NUP54: variants seen among roughly 807,000 people sequenced by gnomAD.
NUP54 encodes nucleoporin 54.
In NUP54, 27 loss-of-function variants were observed where a neutral mutation model predicts 66.4. That is an observed-to-expected ratio of 0.41 (90% CI 0.30 to 0.56). The LOEUF is 0.56. Among genes scored for constraint, NUP54 ranks in the 20% least tolerant of loss-of-function variants. The probability of loss-of-function intolerance (pLI) is 0.34; values close to 1 mark genes in which losing one functional copy is unlikely to be tolerated. For missense variants in NUP54, 486 were observed against 596.3 expected (o/e 0.82, Z 1.93); for synonymous variants, 206 against 210.7 (o/e 0.98, Z 0.19).
rs1305479005 is a variant in NUP54, at chr4:76,124,738, T to C, written c.1075A>G (p.Ser359Gly). The C allele has an allele frequency of 4.5e-6, 6 of 1,341,752 alleles. No individual in the cohort carries two copies. The highest frequency in any genetic ancestry group is 6.0e-6 in the Non-Finnish European group (6 of 994,096). 83.1% of individuals were successfully genotyped at this position (1,341,752 alleles called of 1,614,324 possible). A position where few individuals can be genotyped will look rare whatever the true frequency, so the allele number is the denominator to read the frequency against. Residue 359 changes from serine to glycine, a missense_variant, in exon 9 of 12, where the codon AGT (serine) becomes GGT (glycine). By Grantham distance (56) the Ser-to-Gly change is moderately conservative. This residue lies in a region of NUP54 where 217 missense variants were observed against 247.9 expected (regional missense o/e 0.88). Coordinates refer to ENST00000264883, the MANE Select transcript of NUP54 (RefSeq NM_017426.4). The part of the protein sequence containing the change: ...TRLDIISEDI[S>G]ELQKNQTTSV... ...GTAGTTTGATTCTTTTGTAGCTCAC[T>C]AATATCTTCAGATATGATCTGTTTA...
intron 3 of NUP54, 124 bp downstream of exon 3, chr4:76,144,025 C>A: frequency 1.0e-6 from 1 of 998,986 alleles, no homozygotes; most frequent in Non-Finnish European, 1.5e-6. Flanking sequence ...AAGTAACATT[C>A]CTAATCCTTT....
intron 8 of NUP54, among the ~76,000 whole-genome samples, chr4:76,127,295 G>T (rs916252416): frequency 6.6e-6 from 1 of 151,980 alleles, no homozygotes; most frequent in African/African-American, 2.4e-5. Flanking sequence ...AGCCAGGCGT[G>T]GTGGTGGGCG....
chr4:76,120,637 C>T (rs908445603), intron 9 of NUP54, among the ~76,000 whole-genome samples: 1 of 152,070 alleles, frequency 6.6e-6, no homozygotes, highest in African/African-American at 2.4e-5. Context: ...CCATCTTCGC[C>T]AGGCTGGTCT....
chr4:76,117,636 A>T, intron 11 of NUP54, 28 bp downstream of exon 11: 1 of 1,410,568 alleles, frequency 7.1e-7, no homozygotes, highest in Non-Finnish European at 1.0e-6. Flanking sequence ...CTCACACTTT[A>T]AATAATGCAG....
intron 3 of NUP54, 147 bp from the exon 4 acceptor site, chr4:76,136,559 A>C: frequency 1.6e-6 from 1 of 613,752 alleles, no homozygotes; most frequent in Non-Finnish European, 2.8e-6. Flanking sequence ...CTTACATAGC[A>C]AAAGGGCCTT....
rs759710910 is a variant in NUP54, at chr4:76,130,687, T to C, written c.1025A>G (p.Gln342Arg). The C allele has an allele frequency of 1.9e-6, 3 of 1,613,732 alleles. No homozygotes were observed. The South Asian group carries it at 3.3e-5, about 18-fold the overall frequency. The change falls in exon 8 of 12, where the codon CAG (glutamine) becomes CGG (arginine). Residue 342 changes from glutamine (Q) to arginine (R), a missense_variant. By Grantham distance (43) the Gln-to-Arg change is conservative. Around this residue, in one of 4 missense-constraint regions of NUP54, gnomAD observed 217 missense variants for 247.9 expected, o/e 0.88. Coordinates refer to ENST00000264883, the MANE Select transcript of NUP54 (RefSeq NM_017426.4). ...TCTGGTTTGATGCTGCTTAGTCATCTGATCTTGAACCTTCAGTCTTCGGAG... is the reference window on the plus strand; with the variant it reads ...TCTGGTTTGATGCTGCTTAGTCATCCGATCTTGAACCTTCAGTCTTCGGAG... ...ELLRRLKVQDQMTKQHQTRLD... is the reference protein window; with the variant it reads ...ELLRRLKVQDRMTKQHQTRLD...
intron 3 of NUP54, among the ~76,000 whole-genome samples, chr4:76,138,268 C>A (rs4597859): frequency 0.13 from 20,006 of 152,182 alleles, 1,539 homozygotes; most frequent in East Asian, 0.35. Flanking sequence ...TCAACTTTTA[C>A]ATGAGATGAA....
At chr4:76,130,537 TG>T in intron 8 of NUP54, 118 bp downstream of exon 8, 1 of 650,004 alleles carries the variant, frequency 1.5e-6, no homozygotes, top group Non-Finnish European at 2.7e-6. Context: ...TAAATTGCAG[TG>T]TATGCTACAT....
intron 8 of NUP54, among the ~76,000 whole-genome samples, chr4:76,129,603 G>A (rs1022819588): frequency 1.3e-5 from 2 of 152,138 alleles, no homozygotes; most frequent in African/African-American, 4.8e-5. Flanking sequence ...AGTGGCTCAC[G>A]CCTGTAACCC....
intron 9 of NUP54, 93 bp downstream of exon 9, chr4:76,124,556 G>C: frequency 4.3e-6 from 2 of 467,052 alleles, no homozygotes; most frequent in South Asian, 4.9e-5. Context: ...TTTCATTTTA[G>C]TATTTTTTTT....
intron 8 of NUP54, among the ~76,000 whole-genome samples, chr4:76,128,111 C>G (rs1277496290): frequency 6.6e-6 from 1 of 152,144 alleles, no homozygotes; most frequent in Non-Finnish European, 1.5e-5. Flanking sequence ...GGGAAGTCTG[C>G]TAGTTATAGT....
At chr4:76,118,394 TG>T in intron 9 of NUP54, 200 bp from the exon 10 acceptor site, 1 of 539,644 alleles carries the variant, frequency 1.9e-6, no homozygotes, top group South Asian at 2.1e-5. Context: ...TAGACTTAAT[TG>T]TTTTTTTTGA....
chr4:76,126,899 A>G (rs1003251587), intron 8 of NUP54, among the ~76,000 whole-genome samples: 5 of 152,290 alleles, frequency 3.3e-5, no homozygotes, highest in Admixed American at 3.3e-4. Context: ...ATAAAGACCC[A>G]TAAAGACCCA....
At chr4:76,142,468 A>T (rs1343940811) in intron 3 of NUP54, among the ~76,000 whole-genome samples, 1 of 152,222 alleles carries the variant, frequency 6.6e-6, no homozygotes, top group African/African-American at 2.4e-5. Context: ...GAGGCATCAG[A>T]TTGGAAAAGT....
intron 3 of NUP54, among the ~76,000 whole-genome samples, chr4:76,138,054 C>G (rs2109898184): frequency 6.6e-6 from 1 of 152,258 alleles, no homozygotes; most frequent in African/African-American, 2.4e-5. Context: ...TCTTTCAGCT[C>G]TAAACATTGA....
chr4:76,116,859 T>C (rs1729974180), intron 11 of NUP54, among the ~76,000 whole-genome samples: 3 of 152,308 alleles, frequency 2.0e-5, no homozygotes, highest in Middle Eastern at 3.4e-3. Context: ...CTTTAGTGTC[T>C]CTACTACCTC....
intron 3 of NUP54, among the ~76,000 whole-genome samples, chr4:76,137,530 C>T (rs1300619241): frequency 6.6e-6 from 1 of 152,124 alleles, no homozygotes; most frequent in South Asian, 2.1e-4. Context: ...TACCAGCTTA[C>T]TAAACATTTT....
chr4:76,128,921 A>T (rs1730659367), intron 8 of NUP54, among the ~76,000 whole-genome samples: 1 of 152,214 alleles, frequency 6.6e-6, no homozygotes, highest in African/African-American at 2.4e-5. Flanking sequence ...AGTGGCTACT[A>T]GAGGTGGAGA....
intron 9 of NUP54, among the ~76,000 whole-genome samples, chr4:76,123,338 C>G (rs1730314328): frequency 6.6e-6 from 1 of 152,198 alleles, no homozygotes; most frequent in African/African-American, 2.4e-5. Context: ...ATGAAACTAT[C>G]TGTCCCTAAG....
Sources: allele counts gnomAD v4.1 joint callset (sites outside exome capture counted in the v4.1 genomes callset), GRCh38; gene constraint gnomAD v4.1.1; regional missense constraint gnomAD v4.1.1; transcripts MANE v1.5; gene names NCBI Gene and HGNC (gene_info 2026-07-23, HGNC 2026-07-21).